Variants in RNFT1 observed in about 807,000 individuals in gnomAD.
RNFT1 encodes the protein E3 ubiquitin-protein ligase RNFT1.
RNFT1 carries 35 observed loss-of-function variants against 53.2 expected under a neutral mutation model. That is an observed-to-expected ratio of 0.66 (90% CI 0.50 to 0.87). RNFT1 has a LOEUF of 0.87. Among genes scored for constraint, RNFT1 ranks in the 40% least tolerant of loss-of-function variants. The probability of loss-of-function intolerance (pLI) is 0.00; values close to 1 mark genes in which losing one functional copy is unlikely to be tolerated. For missense variants in RNFT1, 421 were observed against 515.0 expected (o/e 0.82, Z 1.77); for synonymous variants, 141 against 172.8 (o/e 0.82, Z 1.44).
In RNFT1 at chr17:59,953,065, TTCTC is replaced by T; in HGVS notation, c.1216_1219del (p.Glu406LysfsTer9). ...CACAGTTCTGCAGAGTGGACATGTT[TTCTC>T]TCTGTTAAACCATAAGGTCATGCAC... On this transcript the variant is annotated frameshift_variant, in exon 9 of 9. Coordinates refer to ENST00000305783, the MANE Select transcript of RNFT1 (RefSeq NM_016125.4). LOFTEE classifies it high-confidence loss of function. The T allele has an allele frequency of 6.2e-7, 1 of 1,612,658 alleles. No homozygotes were observed. The highest frequency in any genetic ancestry group is 8.5e-7 in the Non-Finnish European group (1 of 1,178,738).
At chr17:59,959,164 C>G (rs2045271630) in intron 4 of RNFT1, among the ~76,000 whole-genome samples, 1 of 152,142 alleles carries the variant, frequency 6.6e-6, no homozygotes, top group Non-Finnish European at 1.5e-5. Context: ...TTAACATGTT[C>G]AAAACAAAAT....
At position 59,954,089 on chromosome 17, in the gene RNFT1, T is replaced by C. The variant is rs758068692; in HGVS notation, c.1129A>G (p.Ile377Val). 59 of 1,600,716 alleles carry C rather than the reference T, an allele frequency of 3.7e-5. No individual in the cohort carries two copies. Among genetic ancestry groups the C allele is most frequent in the African/African-American group, 1.8e-4 (13 of 74,012 alleles). ...QCSDVDDICS[I>V]CQAEFQKPIL... ...GGCTTCTGAAATTCAGCTTGACATA[T>C]TGAACAAATATCATCCACATCTGAA... Residue 377 changes from isoleucine (I) to valine (V), a missense_variant, in exon 8 of 9, where the codon ATA (isoleucine) becomes GTA (valine). Physicochemically the swap from Ile to Val is conservative, Grantham distance 29. Transcript: ENST00000305783.
intron 7 of RNFT1, 105 bp from the exon 8 acceptor site, chr17:59,954,251 T>C: frequency 1.3e-6 from 1 of 769,478 alleles, no homozygotes; most frequent in Non-Finnish European, 2.1e-6. Context: ...AACCAGGCAT[T>C]TGAAAAACTT....
In RNFT1 at chr17:59,952,731, T is replaced by C. The variant is rs1454212317; in HGVS notation, c.*246A>G. 3 of 298,418 alleles carry C rather than the reference T, an allele frequency of 1.0e-5. No individual in the cohort carries two copies. In the East Asian group the frequency reaches 1.7e-4, roughly 17 times the overall value. The allele number at this position is 298,418 out of a possible 1,614,324, so 18.5% of individuals were successfully genotyped here. On this transcript the variant is annotated 3_prime_UTR_variant, in exon 9 of 9. Coordinates refer to ENST00000305783, the MANE Select transcript of RNFT1 (RefSeq NM_016125.4). ...AGAAAACACATTTACAATTTAACAC[T>C]GCAGTTACCTGTCAAATAATTAGAA...
rs2045278599 is a variant in RNFT1 at position 59,960,067 on chromosome 17, C to G, written c.692+1G>C. 1 of 1,590,002 alleles carries G rather than the reference C, an allele frequency of 6.3e-7. No homozygotes were observed. The highest frequency in any genetic ancestry group is 8.5e-7 in the Non-Finnish European group (1 of 1,171,386). ...AATTGTGTATTTGGACCTCTAATTA[C>G]CTGTAATAAAGTGACTGAGAATGAA... On this transcript the variant is annotated splice_donor_variant, in intron 4 of 8. Coordinates refer to ENST00000305783, the MANE Select transcript of RNFT1 (RefSeq NM_016125.4). LOFTEE classifies it high-confidence loss of function.
intron 7 of RNFT1, among the ~76,000 whole-genome samples, chr17:59,954,759 A>G (rs1216622047): frequency 1.3e-5 from 2 of 152,224 alleles, no homozygotes; most frequent in Non-Finnish European, 2.9e-5. Context: ...CGAAATTATA[A>G]AAAGCATTTA....
chr17:59,957,394 G>A lies in RNFT1; in HGVS notation c.847-12C>T, dbSNP rs778140295. On this transcript the variant is annotated splice_polypyrimidine_tract_variant and intron_variant, in intron 5 of 8. Transcript: ENST00000305783. ...ATATACCAGTAACCCTAAAAAATAA[G>A]AAGAAAACAAATAGAGCTACCCAAA... The A allele has an allele frequency of 1.1e-5, 17 of 1,599,740 alleles. No individual in the cohort carries two copies. In the African/African-American group the frequency reaches 1.6e-4, roughly 15 times the overall value.
intron 7 of RNFT1, 62 bp from the exon 8 acceptor site, chr17:59,954,208 A>T: frequency 9.1e-7 from 1 of 1,100,740 alleles, no homozygotes; most frequent in Non-Finnish European, 1.4e-6. Flanking sequence ...CTCAAATTAC[A>T]TAAGTAATGC....
intron 8 of RNFT1, 37 bp downstream of exon 8, chr17:59,954,008 G>T: frequency 7.8e-7 from 1 of 1,278,060 alleles, no homozygotes; most frequent in Non-Finnish European, 1.1e-6. Flanking sequence ...ACAGAGAACT[G>T]TTGTATTTAG....
chr17:59,958,309 G>A lies in RNFT1; in HGVS notation c.828C>T (p.Ile276=). The A allele has an allele frequency of 6.3e-7, 1 of 1,593,074 alleles. No individual in the cohort carries two copies. The highest frequency in any genetic ancestry group is 2.3e-5 in the East Asian group (1 of 44,408). Residue 276 remains isoleucine, a synonymous_variant, in exon 5 of 9, where the codon ATC becomes ATT. Transcript: ENST00000305783. ...KCLILLVPSF[I]MPFKSKGYWY... Reference sequence around the variant, plus strand: ...TTCTTACCTTAGATTTAAAAGGCATGATGAAAGAAGGCACCAATAAAATAA... The same window carrying A: ...TTCTTACCTTAGATTTAAAAGGCATAATGAAAGAAGGCACCAATAAAATAA...
At chr17:59,953,206 T>G in intron 8 of RNFT1, 95 bp from the exon 9 acceptor site, 1 of 799,518 alleles carries the variant, frequency 1.3e-6, no homozygotes. Context: ...TTTTTTTTTT[T>G]GAGATGGAGA....
chr17:59,953,624 C>G (rs2045235668), intron 8 of RNFT1, among the ~76,000 whole-genome samples: 1 of 152,150 alleles, frequency 6.6e-6, no homozygotes, highest in Non-Finnish European at 1.5e-5. Context: ...CTGGCTGTAC[C>G]ATCCATTTAA....
At chr17:59,958,797 T>C (rs1460070843) in intron 4 of RNFT1, 1 of 376,706 alleles carries the variant, frequency 2.7e-6, no homozygotes, top group East Asian at 9.2e-5. Flanking sequence ...AATGAATTGC[T>C]TGTCAAGATC....
chr17:59,959,382 T>G (rs1447430522), intron 4 of RNFT1: 1 of 152,200 alleles, frequency 6.6e-6, no homozygotes, highest in Non-Finnish European at 1.5e-5. Flanking sequence ...AAACCAGGTC[T>G]TCTAATATTC....
rs748499116 is a variant in RNFT1 at position 59,952,982 on chromosome 17, A to C, written c.1303T>G (p.Tyr435Asp). The C allele has an allele frequency of 3.0e-5, 49 of 1,612,492 alleles. No homozygotes were observed. The highest frequency in any genetic ancestry group is 4.2e-5 in the Non-Finnish European group (49 of 1,179,592). Reference sequence around the variant, plus strand: ...GCCTTGATAGTTTATACAACTTAATATATTTGAAGGTGTGATGAAGTGGCT... The same window carrying C: ...GCCTTGATAGTTTATACAACTTAATCTATTTGAAGGTGTGATGAAGTGGCT... Reference protein sequence around the residue: ...DGATSSHLQIY With the variant: ...DGATSSHLQID Residue 435 changes from tyrosine to aspartate, a missense_variant, in exon 9 of 9, where the codon TAT becomes GAT. By Grantham distance (160) the Tyr-to-Asp change is radical. Coordinates refer to ENST00000305783, the MANE Select transcript of RNFT1 (RefSeq NM_016125.4).
intron 3 of RNFT1, 62 bp from the exon 4 acceptor site, chr17:59,960,230 A>G: frequency 6.6e-7 from 1 of 1,524,980 alleles, no homozygotes; most frequent in African/African-American, 1.4e-5. Flanking sequence ...ATATCATTAA[A>G]CTGTTTTACT....
At chr17:59,959,371 G>GA (rs1015474594) in intron 4 of RNFT1, 1 of 152,160 alleles carries the variant, frequency 6.6e-6, no homozygotes, top group African/African-American at 2.4e-5. Flanking sequence ...CAACTCCAGT[G>GA]AAACCAGGTC....
chr17:59,953,817 T>C lies in RNFT1; in HGVS notation c.1173+228A>G, dbSNP rs1477011262. On this transcript the variant is annotated intron_variant, in intron 8 of 8. Coordinates refer to ENST00000305783, the MANE Select transcript of RNFT1 (RefSeq NM_016125.4). ...AGCCTGTTTTTTAATCACTTTGGTATTCAATCTGCCAGTTGAATTATTTTT... is the reference window on the plus strand; with the variant it reads ...AGCCTGTTTTTTAATCACTTTGGTACTCAATCTGCCAGTTGAATTATTTTT... 1.3e-5 allele frequency: 5 copies of C among 382,952 alleles called. No individual in the cohort carries two copies. The East Asian group carries it at 2.1e-4, about 16-fold the overall frequency. 23.7% of individuals were successfully genotyped at this position (382,952 alleles called of 1,614,324 possible). A position where few individuals can be genotyped will look rare whatever the true frequency, so the allele number is the denominator to read the frequency against.
chr17:59,961,931 G>A (rs1181607257), intron 3 of RNFT1, among the ~76,000 whole-genome samples: 2 of 120,032 alleles, frequency 1.7e-5, no homozygotes, highest in Non-Finnish European at 3.2e-5. Context: ...TGTAGCCCAC[G>A]CTGGAGTGCA....
Sources: allele counts gnomAD v4.1 joint callset (sites outside exome capture counted in the v4.1 genomes callset), GRCh38; gene constraint gnomAD v4.1.1; transcripts MANE v1.5; gene names NCBI Gene and HGNC (gene_info 2026-07-23, HGNC 2026-07-21).